HIVEP1: variants seen among roughly 807,000 people sequenced by gnomAD.
HIVEP1 encodes the protein HIVEP zinc finger 1, also known as zinc finger protein 40.
HIVEP1 carries 36 observed loss-of-function variants against 180.0 expected under a neutral mutation model. The observed-to-expected ratio is 0.20, with a 90% CI of 0.15 to 0.26. HIVEP1 has a LOEUF of 0.26. Among genes scored for constraint, HIVEP1 ranks in the 10% least tolerant of loss-of-function variants. The pLI is 1.00. For missense variants in HIVEP1, 3,143 were observed against 3,268.7 expected (o/e 0.96, Z 0.94); for synonymous variants, 1,239 against 1,239.0 (o/e 1.00, Z 0.00).
intron 5 of HIVEP1, among the ~76,000 whole-genome samples, 165 bp downstream of exon 5, chr6:12,130,057 A>T (rs895181601): frequency 6.6e-6 from 1 of 152,228 alleles, no homozygotes; most frequent in Non-Finnish European, 1.5e-5. Context: ...ATTATGTTAA[A>T]TCATTTTATT....
At chr6:12,197,552 CAAA>C in the HIVEP1 span, among the ~76,000 whole-genome samples, 20 of 98,880 alleles carry the variant, frequency 2.0e-4, no homozygotes, top group Non-Finnish European at 2.2e-4. Context: ...GAGACTGTCT[CAAA>C]AAAAAAAAAA....
rs988670751 is a variant in HIVEP1, at chr6:12,164,004, G to A, written c.7700G>A (p.Gly2567Glu). The part of the protein sequence containing the change: ...SVSQVAVDAQ[G>E]APEMPASQSK... The stretch of plus-strand genomic sequence containing the variant: ...AGTCAAGTAGCCGTTGATGCACAGG[G>A]AGCTCCAGAAATGCCAGCTTCCCAA... Residue 2567 changes from glycine (G) to glutamate (E), a missense_variant, in exon 9 of 9, where the codon GGA (glycine) becomes GAA (glutamate). Gly to Glu is a moderately conservative substitution (Grantham distance 98). Coordinates refer to ENST00000379388, the MANE Select transcript of HIVEP1 (RefSeq NM_002114.4). 1.9e-6 allele frequency: 3 copies of A among 1,613,914 alleles called. No individual in the cohort carries two copies. The highest frequency in any genetic ancestry group is 1.3e-5 in the African/African-American group (1 of 74,868).
intron 2 of HIVEP1, among the ~76,000 whole-genome samples, chr6:12,037,160 G>A (rs560240049): frequency 6.6e-6 from 1 of 152,312 alleles, no homozygotes; most frequent in Admixed American, 6.5e-5. Context: ...TGAGGCCCGG[G>A]TCTTGGAGTG....
At chr6:12,107,541 C>A (rs1295880717) in intron 3 of HIVEP1, among the ~76,000 whole-genome samples, 2 of 152,134 alleles carry the variant, frequency 1.3e-5, no homozygotes, top group Non-Finnish European at 2.9e-5. Flanking sequence ...GTGAGTGTTA[C>A]AGTTCTTAAA....
At chr6:12,106,057 CAT>C (rs1319791959) in intron 3 of HIVEP1, among the ~76,000 whole-genome samples, 3 of 151,394 alleles carry the variant, frequency 2.0e-5, no homozygotes, top group East Asian at 1.9e-4. Context: ...TACACACACA[CAT>C]ATATACATAT....
At chr6:12,066,287 C>T (rs1432030325) in intron 2 of HIVEP1, among the ~76,000 whole-genome samples, 1 of 152,152 alleles carries the variant, frequency 6.6e-6, no homozygotes, top group Non-Finnish European at 1.5e-5. Flanking sequence ...AATAGTTAAT[C>T]TTGTTAAGTA....
the HIVEP1 span, among the ~76,000 whole-genome samples, chr6:12,192,279 T>G: frequency 1.3e-5 from 2 of 151,244 alleles, no homozygotes; most frequent in Non-Finnish European, 2.9e-5. Flanking sequence ...TTTTTTCACC[T>G]CTCTTAAGTA....
At chr6:12,188,522 T>C in the HIVEP1 span, among the ~76,000 whole-genome samples, 1 of 152,078 alleles carries the variant, frequency 6.6e-6, no homozygotes, top group Admixed American at 6.6e-5. Context: ...ATGAAAAACA[T>C]AAAAACAAGT....
Position 12,120,378 on chromosome 6 carries a change from G to C in HIVEP1, c.583G>C (p.Ala195Pro). 1.2e-6 allele frequency: 2 copies of C among 1,614,114 alleles called. No homozygotes were observed. The highest frequency in any genetic ancestry group is 1.7e-6 in the Non-Finnish European group (2 of 1,180,016). ...GTTSPSYTNT[A>P]FDVLLKAMEP... is the part of the protein sequence containing the mutation. ...TACGTCCCCCTCCTATACAAACACT[G>C]CATTCGATGTCTTACTGAAAGCAAT... is the stretch of plus-strand genomic sequence containing the variant. The change falls in exon 4 of 9, where the codon GCA becomes CCA. Residue 195 changes from alanine to proline, a missense_variant. By Grantham distance (27) the Ala-to-Pro change is conservative. This residue lies in a region of HIVEP1 where 306 missense variants were observed against 310.6 expected (regional missense o/e 0.99). Transcript: ENST00000379388.
chr6:12,109,124 C>T (rs181130878), intron 3 of HIVEP1, among the ~76,000 whole-genome samples: 12 of 152,094 alleles, frequency 7.9e-5, no homozygotes, highest in African/African-American at 2.4e-4. Context: ...GGACTACAGG[C>T]GCCTGCCACC....
At chr6:12,137,737 T>C (rs542403116) in intron 7 of HIVEP1, among the ~76,000 whole-genome samples, 4 of 152,334 alleles carry the variant, frequency 2.6e-5, no homozygotes, top group Admixed American at 2.6e-4. Flanking sequence ...GCAGAATTTA[T>C]TCCTCTCCTT....
rs74936642 is a variant in HIVEP1 at position 12,066,528 on chromosome 6, T to C, written c.41-22656T>C. Among the ~76,000 whole-genome samples, 1,061 of 152,340 alleles carry C rather than the reference T, an allele frequency of 7.0e-3. 9 individuals are homozygous for C. Among genetic ancestry groups the C allele is most frequent in the African/African-American group, 0.024 (1,003 of 41,574 alleles). On this transcript the variant is annotated intron_variant, in intron 2 of 8. Transcript: ENST00000379388. ...ATACATATGAAGTTACAAGCTTAAT[T>C]ACTGTTATTTTTGGCCAGAGTCCTT...
chr6:12,153,420 A>T (rs1413535933), intron 7 of HIVEP1, among the ~76,000 whole-genome samples: 5 of 152,166 alleles, frequency 3.3e-5, no homozygotes, highest in Non-Finnish European at 7.4e-5. Context: ...ATTCTCTGAG[A>T]AAAAGTCAAC....
At chr6:12,019,127 G>T (rs1241588716) in intron 2 of HIVEP1, among the ~76,000 whole-genome samples, 1 of 152,212 alleles carries the variant, frequency 6.6e-6, no homozygotes, top group Non-Finnish European at 1.5e-5. Context: ...AGCCACCTCA[G>T]TGGGACTTCT....
At chr6:12,196,294 A>G in the HIVEP1 span, among the ~76,000 whole-genome samples, 2 of 152,356 alleles carry the variant, frequency 1.3e-5, no homozygotes, top group South Asian at 4.1e-4. Flanking sequence ...AAGTGATGTC[A>G]ATGGAATTCC....
At chr6:12,192,447 T>C in the HIVEP1 span, among the ~76,000 whole-genome samples, 16 of 152,204 alleles carry the variant, frequency 1.1e-4, no homozygotes, top group Non-Finnish European at 1.9e-4. Context: ...CTGATATGGT[T>C]TGGCTCTGTG....
At chr6:12,037,888 TG>T in intron 2 of HIVEP1, 1 of 393,400 alleles carries the variant, frequency 2.5e-6, no homozygotes, top group South Asian at 1.3e-4. Flanking sequence ...TTTTTTTTTT[TG>T]GCGGAGGGGA....
At chr6:12,155,320 C>A (rs765832298) in intron 7 of HIVEP1, among the ~76,000 whole-genome samples, 1 of 152,044 alleles carries the variant, frequency 6.6e-6, no homozygotes, top group African/African-American at 2.4e-5. Flanking sequence ...CACAGGTAAA[C>A]GTGTGCCATG....
At chr6:12,187,479 C>T in the HIVEP1 span, among the ~76,000 whole-genome samples, 2 of 152,244 alleles carry the variant, frequency 1.3e-5, no homozygotes, top group Non-Finnish European at 1.5e-5. Flanking sequence ...TCTGCACATA[C>T]CAGCTCCCCT....
Sources: gnomAD v4.1 joint callset for allele counts (sites outside exome capture counted in the v4.1 genomes callset) on GRCh38, gnomAD v4.1.1 for gene constraint, gnomAD v4.1.1 regional missense constraint, MANE v1.5 for transcripts, NCBI Gene and HGNC (gene_info 2026-07-23, HGNC 2026-07-21) for gene names.